PNLIPRP3: variants seen among roughly 807,000 people sequenced by gnomAD.
PNLIPRP3 encodes the protein pancreatic lipase-related protein 3.
Under a neutral mutation model 52.8 loss-of-function variants are expected in PNLIPRP3, and 58 were observed. The ratio of observed to expected loss-of-function variants is 1.10; its 90% confidence interval spans 0.89 to 1.37. The LOEUF is 1.37. Ranked by LOEUF, PNLIPRP3 falls within the 40% of genes most tolerant of loss-of-function variation. The probability of loss-of-function intolerance (pLI) is 0.00; values close to 1 mark genes in which losing one functional copy is unlikely to be tolerated. For missense variants in PNLIPRP3, 593 were observed against 561.6 expected (o/e 1.06, Z -0.57); for synonymous variants, 192 against 185.0 (o/e 1.04, Z -0.31).
rs187619459 is a variant in PNLIPRP3 at position 116,471,751 on chromosome 10, T to G, written c.1061-17T>G. 186 of 1,551,724 alleles carry G rather than the reference T, an allele frequency of 1.2e-4. No individual in the cohort carries two copies. Among genetic ancestry groups the G allele is most frequent in the Non-Finnish European group, 1.1e-5 (12 of 1,124,738 alleles). Reference sequence around the variant, plus strand: ...TAACCCTTTCTCTCCCTTTCCTTCTTGTTTCCTTATATCTAGGTTGGAGGC... The same window carrying G: ...TAACCCTTTCTCTCCCTTTCCTTCTGGTTTCCTTATATCTAGGTTGGAGGC... On this transcript the variant is annotated splice_polypyrimidine_tract_variant and intron_variant, in intron 9 of 11. Transcript: ENST00000369230.
rs192193236 is a variant in PNLIPRP3 at position 116,439,821 on chromosome 10, C to G, written c.204+2956C>G. ...CTCCCTTAGCTGGTTCATAATCCTT[C>G]ATTTCCCGATCATAGCGCACTTTAA... is the stretch of plus-strand genomic sequence containing the variant. On this transcript the variant is annotated intron_variant, in intron 2 of 11. Coordinates refer to ENST00000369230, the MANE Select transcript of PNLIPRP3 (RefSeq NM_001011709.3). 4.8e-5 allele frequency: 37 copies of G among 776,692 alleles called. No individual in the cohort carries two copies. In the East Asian group the frequency reaches 8.5e-4, roughly 18 times the overall value. 48.1% of individuals were successfully genotyped at this position (776,692 alleles called of 1,614,324 possible). A position where few individuals can be genotyped will look rare whatever the true frequency, so the allele number is the denominator to read the frequency against.
chr10:116,444,399 A>G lies in PNLIPRP3; in HGVS notation c.342A>G (p.Glu114=). The change falls in exon 4 of 12, where the codon GAA becomes GAG. Residue 114 remains glutamate (E), a synonymous_variant. Transcript: ENST00000369230. ...RDMCNVLLQL[E]DINCINLDWI... ...TGTGCCAGGTGTTGCTACAGCTGGA[A>G]GATATAAATTGCATTAATTTAGATT... is the stretch of plus-strand genomic sequence containing the variant. 1 of 1,608,678 alleles carries G rather than the reference A, an allele frequency of 6.2e-7. No homozygotes were observed. Among genetic ancestry groups the G allele is most frequent in the Non-Finnish European group, 8.5e-7 (1 of 1,177,050 alleles).
chr10:116,469,140 C>T lies in PNLIPRP3; in HGVS notation c.928-45C>T, dbSNP rs752885805. 4 of 1,554,990 alleles carry T rather than the reference C, an allele frequency of 2.6e-6. No individual in the cohort carries two copies. In the South Asian group the frequency reaches 3.7e-5, roughly 14 times the overall value. ...ATATAGCGAGTTTATTGAAGGACAA[C>T]ATTTCTAATTACATAAGTAATCACC... On this transcript the variant is annotated intron_variant, in intron 8 of 11. Coordinates refer to ENST00000369230, the MANE Select transcript of PNLIPRP3 (RefSeq NM_001011709.3).
rs779916775 is a variant in PNLIPRP3, at chr10:116,460,975, C to G, written c.575C>G (p.Pro192Arg). The change falls in exon 6 of 12, where the codon CCA becomes CGA. Residue 192 changes from proline (P) to arginine (R), a missense_variant. Transcript: ENST00000369230. ...PGLGRITGLD[P>R]AGPFFHNTPK... Reference sequence around the variant, plus strand: ...GTTGTGCTTTCTCTAGGGTTGGACCCAGCTGGGCCATTTTTCCACAACACT... The same window carrying G: ...GTTGTGCTTTCTCTAGGGTTGGACCGAGCTGGGCCATTTTTCCACAACACT... 1 of 1,611,774 alleles carries G rather than the reference C, an allele frequency of 6.2e-7. No individual in the cohort carries two copies. Among genetic ancestry groups the G allele is most frequent in the Non-Finnish European group, 8.5e-7 (1 of 1,180,006 alleles).
chr10:116,472,577 G>T (rs1336523282), intron 10 of PNLIPRP3, among the ~76,000 whole-genome samples: 1 of 152,158 alleles, frequency 6.6e-6, no homozygotes, highest in Admixed American at 6.5e-5. Flanking sequence ...CTGGGCACAG[G>T]CACGAAAAGC....
intron 10 of PNLIPRP3, among the ~76,000 whole-genome samples, chr10:116,475,621 G>A (rs1423372545): frequency 6.6e-6 from 1 of 152,158 alleles, no homozygotes; most frequent in East Asian, 1.9e-4. Flanking sequence ...ACAGACCCTA[G>A]GAATAGCAAT....
At chr10:116,444,156 G>A (rs1435425527) in intron 3 of PNLIPRP3, among the ~76,000 whole-genome samples, 1 of 151,872 alleles carries the variant, frequency 6.6e-6, no homozygotes, top group East Asian at 1.9e-4. Context: ...AACGGCACGG[G>A]GGAAACCACC....
chr10:116,437,154 C>CTG (rs34109215), intron 2 of PNLIPRP3, among the ~76,000 whole-genome samples: 19,251 of 152,110 alleles, frequency 0.13, 1,483 homozygotes, highest in Admixed American at 0.25. Context: ...ATCTGTAAGA[C>CTG]TGAATAAGCA....
chr10:116,470,666 G>A (rs1309240846), intron 9 of PNLIPRP3, among the ~76,000 whole-genome samples: 1 of 151,744 alleles, frequency 6.6e-6, no homozygotes, highest in African/African-American at 2.4e-5. Flanking sequence ...CCGCCACCAC[G>A]CTAGGCTAGT....
In PNLIPRP3 at chr10:116,436,797, C is replaced by T. The variant is rs1379617369; in HGVS notation, c.136C>T (p.Pro46Ser). 3.1e-6 allele frequency: 5 copies of T among 1,613,780 alleles called. No individual in the cohort carries two copies. The highest frequency in any genetic ancestry group is 4.2e-6 in the Non-Finnish European group (5 of 1,179,794). ...TTTCTCAACAGAGTTGGTAGGTTTA[C>T]CCTGGTCTCCAGAGAAGATAAACAC... Reference protein sequence around the residue: ...RTFSTELVGLPWSPEKINTRF... With the variant: ...RTFSTELVGLSWSPEKINTRF... The change falls in exon 2 of 12, where the codon CCC (proline) becomes TCC (serine). Residue 46 changes from proline (P) to serine (S), a missense_variant. Coordinates refer to ENST00000369230, the MANE Select transcript of PNLIPRP3 (RefSeq NM_001011709.3).
At chr10:116,456,501 T>A (rs1162745850) in intron 5 of PNLIPRP3, among the ~76,000 whole-genome samples, 1 of 152,204 alleles carries the variant, frequency 6.6e-6, no homozygotes, top group Non-Finnish European at 1.5e-5. Flanking sequence ...TTAAAAAGAA[T>A]GAGTTTGAAT....
At chr10:116,469,357 T>C (rs1308763170) in intron 9 of PNLIPRP3, 40 bp downstream of exon 9, 3 of 1,528,832 alleles carry the variant, frequency 2.0e-6, no homozygotes, top group East Asian at 2.4e-5. Flanking sequence ...TGCTTTAAGG[T>C]ACTTATCTTT....
intron 10 of PNLIPRP3, among the ~76,000 whole-genome samples, chr10:116,472,624 A>T (rs1260388356): frequency 1.3e-5 from 2 of 152,210 alleles, no homozygotes; most frequent in Non-Finnish European, 2.9e-5. Context: ...TGAGAGATGC[A>T]TCCGTTTTAT....
At chr10:116,472,298 A>G (rs1295917437) in intron 10 of PNLIPRP3, among the ~76,000 whole-genome samples, 2 of 152,252 alleles carry the variant, frequency 1.3e-5, no homozygotes, top group African/African-American at 4.8e-5. Context: ...CCACAGATAC[A>G]GGACATGTGT....
At chr10:116,455,684 G>C in intron 4 of PNLIPRP3, 38 bp from the exon 5 acceptor site, 1 of 1,469,656 alleles carries the variant, frequency 6.8e-7, no homozygotes, top group Non-Finnish European at 9.5e-7. Flanking sequence ...TTCCACCGCT[G>C]TTTTTAAAAT....
chr10:116,456,517 T>C (rs891798336), intron 5 of PNLIPRP3, among the ~76,000 whole-genome samples: 17 of 152,354 alleles, frequency 1.1e-4, no homozygotes, highest in Non-Finnish European at 1.9e-4. Flanking sequence ...TGAATCCCAC[T>C]GATTGTCCTG....
chr10:116,442,973 C>T lies in PNLIPRP3; in HGVS notation c.205-82C>T, dbSNP rs538717178. On this transcript the variant is annotated intron_variant, in intron 2 of 11. Transcript: ENST00000369230. ...AAGATCAAATTTAGTGAAAGGCTTT[C>T]GAGCAGCTTTAGAATAGGTCTACTA... The T allele has an allele frequency of 1.4e-3, 1,470 of 1,069,858 alleles. 2 individuals are homozygous for T. The highest frequency in any genetic ancestry group is 1.6e-3 in the Non-Finnish European group (1,333 of 817,642). 66.3% of individuals were successfully genotyped at this position (1,069,858 alleles called of 1,614,324 possible).
intron 2 of PNLIPRP3, chr10:116,439,469 C>G: frequency 1.4e-6 from 1 of 689,718 alleles, no homozygotes; most frequent in Non-Finnish European, 2.6e-6. Context: ...ATTCCTCCTC[C>G]TCCTCCTATT....
intron 10 of PNLIPRP3, among the ~76,000 whole-genome samples, chr10:116,473,312 A>G (rs1846404043): frequency 6.6e-6 from 1 of 152,210 alleles, no homozygotes; most frequent in Admixed American, 6.5e-5. Flanking sequence ...ATGCTCATGG[A>G]TAGGCAGAAT....
Sources: gnomAD v4.1 joint callset for allele counts (sites outside exome capture counted in the v4.1 genomes callset) on GRCh38, gnomAD v4.1.1 for gene constraint, MANE v1.5 for transcripts, NCBI Gene and HGNC (gene_info 2026-07-23, HGNC 2026-07-21) for gene names.